Variants in NPNT observed in about 807,000 individuals in gnomAD.
The protein encoded by NPNT is nephronectin.
Under a neutral mutation model 68.6 loss-of-function variants are expected in NPNT, and 45 were observed. That is an observed-to-expected ratio of 0.66 (90% CI 0.52 to 0.84). The LOEUF (loss-of-function observed/expected upper bound fraction) is 0.84. NPNT is among the 40% of genes least tolerant of loss of function. NPNT has a pLI of 0.00. For missense variants in NPNT, 672 were observed against 714.8 expected (o/e 0.94, Z 0.68); for synonymous variants, 233 against 253.3 (o/e 0.92, Z 0.76).
At position 105,971,265 on chromosome 4, in the gene NPNT, T is replaced by C; in HGVS notation, c.*2275T>C. 4.8e-6 allele frequency: 2 copies of C among 412,460 alleles called. No homozygotes were observed. Among genetic ancestry groups the C allele is most frequent in the Non-Finnish European group, 1.0e-5 (2 of 199,238 alleles). The allele number at this position is 412,460 out of a possible 1,614,324, so 25.6% of individuals were successfully genotyped here. On this transcript the variant is annotated 3_prime_UTR_variant, in exon 12 of 12. Transcript: ENST00000379987. ...CCTCATCAGTATGATTCAGTTTCTCTTATCAATTGGACTCTCCCAGGTTCC... is the reference window on the plus strand; with the variant it reads ...CCTCATCAGTATGATTCAGTTTCTCCTATCAATTGGACTCTCCCAGGTTCC...
Position 105,942,288 on chromosome 4 carries a change from A to C in NPNT, c.764-19A>C, listed in dbSNP as rs757186977. The C allele has an allele frequency of 1.9e-6, 3 of 1,563,000 alleles. 1 individual carries two copies. Among genetic ancestry groups the C allele is most frequent in the South Asian group, 2.4e-5 (2 of 83,460 alleles). On this transcript the variant is annotated intron_variant, in intron 7 of 11. Coordinates refer to ENST00000379987, the MANE Select transcript of NPNT (RefSeq NM_001033047.3). ...GGGAGGAATGGTTACATACTGATTT[A>C]AGTCTTTGACTCTTTCAGATATCCC...
intron 3 of NPNT, among the ~76,000 whole-genome samples, chr4:105,935,375 A>T (rs1194531005): frequency 6.6e-6 from 1 of 152,198 alleles, no homozygotes; most frequent in Non-Finnish European, 1.5e-5. Flanking sequence ...CATATTAGGA[A>T]CAGTCATTAA....
chr4:105,962,228 G>A (rs111925248), intron 10 of NPNT, among the ~76,000 whole-genome samples: 15 of 152,298 alleles, frequency 9.8e-5, no homozygotes, highest in African/African-American at 3.1e-4. Context: ...TTTCTAATAT[G>A]AGAAGAATAG....
At chr4:105,936,435 A>G (rs1729496902) in intron 3 of NPNT, among the ~76,000 whole-genome samples, 1 of 71,316 alleles carries the variant, frequency 1.4e-5, no homozygotes, top group Admixed American at 1.9e-4. Flanking sequence ...AATATAGCCT[A>G]TGTAGCCTTC....
At chr4:105,920,142 ATTC>A (rs1482286360) in intron 2 of NPNT, among the ~76,000 whole-genome samples, 1 of 151,898 alleles carries the variant, frequency 6.6e-6, no homozygotes, top group Non-Finnish European at 1.5e-5. Flanking sequence ...AACTACCGTT[ATTC>A]TTCTTGATGC....
chr4:105,958,330 G>A, intron 8 of NPNT, 141 bp from the exon 9 acceptor site: 2 of 461,014 alleles, frequency 4.3e-6, no homozygotes, highest in Non-Finnish European at 7.9e-6. Context: ...ATCTTCATGT[G>A]ATATATAATT....
chr4:105,903,720 T>C (rs1220372811), intron 2 of NPNT, among the ~76,000 whole-genome samples: 1 of 152,096 alleles, frequency 6.6e-6, no homozygotes. Flanking sequence ...TATACACTGC[T>C]TTGTATGCTG....
chr4:105,931,410 A>G (rs542525437), intron 3 of NPNT, among the ~76,000 whole-genome samples: 96 of 152,246 alleles, frequency 6.3e-4, no homozygotes, highest in African/African-American at 2.3e-3. Context: ...TTTAGGTCAG[A>G]ACCAGATACT....
At chr4:105,911,527 C>T (rs1194489591) in intron 2 of NPNT, 2 of 152,402 alleles carry the variant, frequency 1.3e-5, no homozygotes, top group Non-Finnish European at 2.9e-5. Flanking sequence ...TTATTAGTAC[C>T]ATTTCAAGTT....
At chr4:105,961,751 A>C (rs1731733134) in intron 10 of NPNT, among the ~76,000 whole-genome samples, 1 of 152,296 alleles carries the variant, frequency 6.6e-6, no homozygotes, top group East Asian at 1.9e-4. Flanking sequence ...GAGTGATTGG[A>C]TAACTCGTGA....
At chr4:105,910,707 A>T (rs1727294106) in intron 2 of NPNT, among the ~76,000 whole-genome samples, 3 of 152,138 alleles carry the variant, frequency 2.0e-5, no homozygotes, top group Non-Finnish European at 4.4e-5. Context: ...AAAATATAGG[A>T]CATTGGCTAA....
intron 4 of NPNT, 26 bp downstream of exon 4, chr4:105,937,154 A>T: frequency 6.2e-7 from 1 of 1,611,174 alleles, no homozygotes; most frequent in Non-Finnish European, 8.5e-7. Flanking sequence ...TAACTGTTTT[A>T]TAAGTGCTTT....
At chr4:105,918,090 AC>A (rs1727963070) in intron 2 of NPNT, among the ~76,000 whole-genome samples, 2 of 152,206 alleles carry the variant, frequency 1.3e-5, no homozygotes, top group Admixed American at 1.3e-4. Context: ...TTATTGATGG[AC>A]ATTTAAGTTG....
intron 9 of NPNT, chr4:105,958,774 AG>A (rs909816216): frequency 6.0e-5 from 32 of 530,110 alleles, no homozygotes; most frequent in Middle Eastern, 4.9e-4. Context: ...AACTGTAAAA[AG>A]GAAATCATAT....
rs1560922418 is a variant in NPNT at position 105,940,620 on chromosome 4, T to G, written c.747T>G (p.Asp249Glu). 6.2e-7 allele frequency: 1 copy of G among 1,613,418 alleles called. No individual in the cohort carries two copies. Among genetic ancestry groups the G allele is most frequent in the Admixed American group, 1.7e-5 (1 of 59,966 alleles). ...KCKCKEGYQG[D>E]GLTCVYIPKV... ...AATGTAAAGAAGGATACCAGGGTGATGGACTGACTTGTGTGTGTGAGTAGC... is the reference window on the plus strand; with the variant it reads ...AATGTAAAGAAGGATACCAGGGTGAGGGACTGACTTGTGTGTGTGAGTAGC... The change falls in exon 7 of 12, where the codon GAT becomes GAG. Residue 249 changes from aspartate (D) to glutamate (E), a missense_variant. Transcript: ENST00000379987.
chr4:105,959,727 C>T (rs1188942706), intron 10 of NPNT, among the ~76,000 whole-genome samples: 1 of 151,650 alleles, frequency 6.6e-6, no homozygotes, highest in Non-Finnish European at 1.5e-5. Flanking sequence ...TTGCACAATT[C>T]CTATTAATCT....
At chr4:105,918,899 T>G (rs1299731791) in intron 2 of NPNT, among the ~76,000 whole-genome samples, 1 of 152,168 alleles carries the variant, frequency 6.6e-6, no homozygotes, top group African/African-American at 2.4e-5. Flanking sequence ...GAGTAAGATC[T>G]CTAATGAATC....
intron 8 of NPNT, among the ~76,000 whole-genome samples, chr4:105,945,640 A>G (rs1364472676): frequency 1.3e-5 from 2 of 152,220 alleles, no homozygotes; most frequent in African/African-American, 2.4e-5. Flanking sequence ...CACCAACTCC[A>G]GTGCTACCAC....
chr4:105,917,930 TGAG>T (rs936658760), intron 2 of NPNT, among the ~76,000 whole-genome samples: 3 of 152,136 alleles, frequency 2.0e-5, no homozygotes, highest in African/African-American at 7.2e-5. Flanking sequence ...ATGAACATGA[TGAG>T]GAGCCAGTGA....
Sources: allele counts gnomAD v4.1 joint callset (sites outside exome capture counted in the v4.1 genomes callset), GRCh38; gene constraint gnomAD v4.1.1; transcripts MANE v1.5; gene names NCBI Gene and HGNC (gene_info 2026-07-23, HGNC 2026-07-21).